Variants in PRUNE2 observed in about 807,000 individuals in gnomAD.
PRUNE2 encodes the protein protein prune homolog 2.
Under a neutral mutation model 252.0 loss-of-function variants are expected in PRUNE2, and 164 were observed. That is an observed-to-expected ratio of 0.65 (90% confidence interval 0.57 to 0.74). The LOEUF (loss-of-function observed/expected upper bound fraction) is 0.74. PRUNE2 is among the 30% of genes least tolerant of loss of function. PRUNE2 has a pLI of 0.00. For missense variants in PRUNE2, 3,495 were observed against 3,711.0 expected, an observed-to-expected ratio of 0.94 and a Z score of 1.51; for synonymous variants, 1,292 against 1,350.2, an observed-to-expected ratio of 0.96 and a Z score of 0.94.
At chr9:76,897,418 T>TGAAA (rs1395256334) in intron 1 of PRUNE2, among the ~76,000 whole-genome samples, 1 of 119,634 alleles carries the variant, frequency 8.4e-6, no homozygotes, top group African/African-American at 3.9e-5. Flanking sequence ...TTTTTTTTTT[T>TGAAA]TTTTTTTTTG....
intron 2 of PRUNE2, 43 bp from the exon 3 acceptor site, chr9:76,850,708 G>C (rs780145531): frequency 7.1e-7 from 1 of 1,403,200 alleles, no homozygotes; most frequent in South Asian, 1.2e-5. Flanking sequence ...AATAGCAGGA[G>C]GAAAGAATAC....
intron 11 of PRUNE2, among the ~76,000 whole-genome samples, chr9:76,646,693 C>CTCTGGAT (rs1212512917): frequency 6.6e-6 from 1 of 152,172 alleles, no homozygotes; most frequent in Non-Finnish European, 1.5e-5. Flanking sequence ...TCCCCCAGAA[C>CTCTGGAT]TCTGGATTCT....
intron 4 of PRUNE2, among the ~76,000 whole-genome samples, chr9:76,835,317 A>G (rs1052880006): frequency 2.0e-5 from 3 of 152,024 alleles, no homozygotes; most frequent in African/African-American, 7.2e-5. Flanking sequence ...TTTACATAGG[A>G]TTGATTTTTT....
In PRUNE2 at chr9:76,823,735, G is replaced by T; in HGVS notation, c.662-9C>A. On this transcript the variant is annotated splice_polypyrimidine_tract_variant and intron_variant, in intron 5 of 18. Coordinates refer to ENST00000376718, the MANE Select transcript of PRUNE2 (RefSeq NM_015225.3). ...CTGTTCAATACTTAAACCTGTGGAT[G>T]ACAGGAAAAAAAAACATTATGTTAT... 1.3e-6 allele frequency: 2 copies of T among 1,526,904 alleles called. No homozygotes were observed. Among genetic ancestry groups the T allele is most frequent in the Non-Finnish European group, 1.8e-6 (2 of 1,114,534 alleles). 94.6% of individuals were successfully genotyped at this position (1,526,904 alleles called of 1,614,324 possible).
chr9:76,806,668 C>T (rs899840901), intron 6 of PRUNE2, among the ~76,000 whole-genome samples: 1 of 141,000 alleles, frequency 7.1e-6, no homozygotes, highest in Non-Finnish European at 1.5e-5. Flanking sequence ...CCAACACGCC[C>T]GGCTAATTTT....
intron 1 of PRUNE2, among the ~76,000 whole-genome samples, chr9:76,896,457 C>T (rs921427186): frequency 1.3e-5 from 2 of 152,160 alleles, no homozygotes; most frequent in African/African-American, 2.4e-5. Context: ...GGCTGATGTG[C>T]CAGGGAAGTG....
chr9:76,749,921 C>T (rs1367572776), intron 6 of PRUNE2, among the ~76,000 whole-genome samples: 1 of 152,038 alleles, frequency 6.6e-6, no homozygotes, highest in Non-Finnish European at 1.5e-5. Flanking sequence ...TTGCTCTGAC[C>T]CTGGTTCCTG....
At chr9:76,774,710 C>T (rs186336817) in intron 6 of PRUNE2, among the ~76,000 whole-genome samples, 2 of 151,984 alleles carry the variant, frequency 1.3e-5, no homozygotes. Context: ...CCACCCACCT[C>T]GGCCTCCCAA....
intron 4 of PRUNE2, among the ~76,000 whole-genome samples, chr9:76,841,888 G>A (rs549916652): frequency 8.5e-5 from 13 of 152,252 alleles, no homozygotes; most frequent in South Asian, 2.1e-4. Flanking sequence ...AGATTTAAAC[G>A]TTCCTGCCTG....
chr9:76,860,941 G>GCCCA (rs2060512460), intron 1 of PRUNE2, among the ~76,000 whole-genome samples: 1 of 152,140 alleles, frequency 6.6e-6, no homozygotes. Flanking sequence ...TGCGGAAAGG[G>GCCCA]CCCAGCCCCT....
intron 6 of PRUNE2, among the ~76,000 whole-genome samples, chr9:76,814,385 C>T (rs1184503580): frequency 6.6e-6 from 1 of 152,174 alleles, no homozygotes; most frequent in Non-Finnish European, 1.5e-5. Context: ...AAGTGTTATG[C>T]TCTGAGGAGC....
chr9:76,862,474 C>T (rs13296234), intron 1 of PRUNE2: 4,607 of 152,272 alleles, frequency 0.03, 109 homozygotes, highest in Non-Finnish European at 0.048. Flanking sequence ...TTTTACTGTG[C>T]TCAGGCCTCC....
At chr9:76,820,581 G>T (rs1169899326) in intron 6 of PRUNE2, among the ~76,000 whole-genome samples, 1 of 152,188 alleles carries the variant, frequency 6.6e-6, no homozygotes, top group Non-Finnish European at 1.5e-5. Flanking sequence ...GCATTGCAAA[G>T]AACCATTGAA....
At chr9:76,892,763 T>C (rs528269032) in intron 1 of PRUNE2, among the ~76,000 whole-genome samples, 8 of 152,370 alleles carry the variant, frequency 5.3e-5, no homozygotes, top group East Asian at 1.9e-4. Flanking sequence ...GGTGATTTTA[T>C]TTTTAGTTTT....
chr9:76,871,110 C>T (rs892902767), intron 1 of PRUNE2, among the ~76,000 whole-genome samples: 1 of 152,172 alleles, frequency 6.6e-6, no homozygotes, highest in African/African-American at 2.4e-5. Context: ...ATGAGGATCA[C>T]CAAAGCCTGT....
chr9:76,622,420 A>C (rs916067102), intron 17 of PRUNE2, among the ~76,000 whole-genome samples: 1 of 152,214 alleles, frequency 6.6e-6, no homozygotes, highest in South Asian at 2.1e-4. Flanking sequence ...CTATTAAAAG[A>C]AGCAAGATTT....
chr9:76,713,373 C>T (rs991329371), intron 7 of PRUNE2, among the ~76,000 whole-genome samples, 190 bp downstream of exon 7: 6 of 152,172 alleles, frequency 3.9e-5, no homozygotes, highest in African/African-American at 1.4e-4. Context: ...AAGAGAAATG[C>T]TTTTGGGGCT....
intron 1 of PRUNE2, among the ~76,000 whole-genome samples, chr9:76,888,594 C>CAAT (rs1554827359): frequency 6.8e-6 from 1 of 147,154 alleles, no homozygotes; most frequent in African/African-American, 2.5e-5. Flanking sequence ...ATAATAATAA[C>CAAT]TATTATTATT....
intron 4 of PRUNE2, among the ~76,000 whole-genome samples, chr9:76,831,935 G>A (rs183895300): frequency 1.3e-3 from 191 of 152,128 alleles, no homozygotes; most frequent in African/African-American, 4.0e-3. Context: ...ATAAACATGC[G>A]AACACCAATC....
Sources: gnomAD v4.1 joint callset for allele counts (sites outside exome capture counted in the v4.1 genomes callset) on GRCh38, gnomAD v4.1.1 for gene constraint, MANE v1.5 for transcripts, NCBI Gene and HGNC (gene_info 2026-07-23, HGNC 2026-07-21) for gene names.